The following CFAP47 variants were observed in gnomAD, a reference collection of about 807,000 sequenced individuals.
The protein encoded by CFAP47 is cilia and flagella associated protein 47, also known as cilia- and flagella-associated protein 47.
In CFAP47, 29 loss-of-function variants were observed where a neutral mutation model predicts 148.1. The observed-to-expected ratio is 0.20, with a 90% CI of 0.15 to 0.27. The LOEUF (loss-of-function observed/expected upper bound fraction) is 0.27, where lower values mean the gene tolerates loss of function less well. CFAP47 is among the 10% of genes least tolerant of loss of function. The pLI is 1.00. For synonymous variants in CFAP47, 664 were observed against 577.3 expected, an observed-to-expected ratio of 1.15 and a Z score of -2.15; for missense variants, 1,872 against 1,697.5, an observed-to-expected ratio of 1.10 and a Z score of -1.81.
rs61224981 is a variant in CFAP47, at chrX:36,371,620, TA to T, written c.9185+4495del. Among the ~76,000 whole-genome samples, 246 of 80,560 alleles carry T rather than the reference TA, an allele frequency of 3.1e-3. 3 individuals are homozygous for T. Among genetic ancestry groups the T allele is most frequent in the African/African-American group, 8.3e-3 (186 of 22,455 alleles). The allele number at this position is 80,560 out of a possible 115,157, so 70.0% of individuals were successfully genotyped here. Reference sequence around the variant, plus strand: ...GTGTGTATATATGTGTATATATGTGTAATATATGTGTATATACACACATATG... The same window carrying T: ...GTGTGTATATATGTGTATATATGTGTATATATGTGTATATACACACATATG... On this transcript the variant is annotated intron_variant, in intron 62 of 63. Coordinates refer to ENST00000378653, the MANE Select transcript of CFAP47 (RefSeq NM_001304548.2).
In CFAP47 at chrX:36,328,388, T is replaced by C. The variant is rs782345893; in HGVS notation, c.8443+9081T>C. Among the ~76,000 whole-genome samples, 4 of 112,567 alleles carry C rather than the reference T, an allele frequency of 3.6e-5. No homozygotes were observed. In the East Asian group the frequency reaches 1.1e-3, roughly 31 times the overall value. On this transcript the variant is annotated intron_variant, in intron 57 of 63. Coordinates refer to ENST00000378653, the MANE Select transcript of CFAP47 (RefSeq NM_001304548.2). ...TGTTAAAATGGCAATGTTCTCTAAC[T>C]TGATATATAGATCAAATGAATTTCC...
chrX:36,110,126 A>G (rs751427435), intron 33 of CFAP47, among the ~76,000 whole-genome samples: 19 of 111,029 alleles, frequency 1.7e-4, no homozygotes, highest in African/African-American at 6.2e-4. Flanking sequence ...AACAGATCCC[A>G]TTTGTCAATT....
At chrX:35,984,263 A>G (rs751881109) in intron 15 of CFAP47, among the ~76,000 whole-genome samples, 1 of 111,151 alleles carries the variant, frequency 9.0e-6, no homozygotes. Flanking sequence ...TGTTTGTAAT[A>G]TAAGTTTTTT....
chrX:35,971,962 G>C lies in CFAP47; in HGVS notation c.2251G>C (p.Val751Leu). The change falls in exon 13 of 64, where the codon GTT becomes CTT. Residue 751 changes from valine to leucine, a missense_variant. By Grantham distance (32) the Val-to-Leu change is conservative. Coordinates refer to ENST00000378653, the MANE Select transcript of CFAP47 (RefSeq NM_001304548.2). ...LTPKQIHQVI[V>L]GPSVLNFGNI... is the part of the protein sequence containing the mutation. ...ACCAAAGCAAATTCATCAAGTAATT[G>C]TTGGTGAGAATACACAAAAACCTAC... is the stretch of plus-strand genomic sequence containing the variant. 1 of 1,139,641 alleles carries C rather than the reference G, an allele frequency of 8.8e-7. No homozygotes were observed. Among genetic ancestry groups the C allele is most frequent in the Non-Finnish European group, 1.2e-6 (1 of 838,952 alleles). The allele number at this position is 1,139,641 out of a possible 1,213,427, so 93.9% of individuals were successfully genotyped here.
rs1169153259 is a variant in CFAP47, at chrX:36,357,696, C to A, written c.8852-3634C>A. Among the ~76,000 whole-genome samples the A allele has an allele frequency of 3.6e-5, 4 of 111,488 alleles. No individual in the cohort carries two copies. In the Admixed American group the frequency reaches 3.8e-4, roughly 11 times the overall value. On this transcript the variant is annotated intron_variant, in intron 60 of 63. Transcript: ENST00000378653. ...TTGCAGTGTCACTTCTGTAAGATTA[C>A]AAATTACTCTGTGGGCAAGATTTCT...
At chrX:36,360,660 T>C (rs1941821198) in intron 60 of CFAP47, among the ~76,000 whole-genome samples, 1 of 112,021 alleles carries the variant, frequency 8.9e-6, no homozygotes, top group Admixed American at 9.5e-5. Flanking sequence ...TACATATAAC[T>C]GGAGAGTAAG....
At chrX:35,978,017 G>C (rs902802367) in intron 15 of CFAP47, among the ~76,000 whole-genome samples, 2 of 111,976 alleles carry the variant, frequency 1.8e-5, no homozygotes, top group African/African-American at 6.5e-5. Flanking sequence ...TCACTTGACC[G>C]AGCTCTTTAT....
intron 21 of CFAP47, among the ~76,000 whole-genome samples, chrX:36,004,849 C>A (rs760375016): frequency 9.1e-6 from 1 of 110,496 alleles, no homozygotes; most frequent in Admixed American, 9.7e-5. Context: ...TTGAATTGTA[C>A]CCTTTTGGTG....
chrX:36,190,468 A>G (rs1319680446), intron 42 of CFAP47, among the ~76,000 whole-genome samples: 2 of 112,550 alleles, frequency 1.8e-5, no homozygotes, highest in Non-Finnish European at 3.8e-5. Context: ...GTAACAAATT[A>G]TCACACACCA....
chrX:36,207,983 A>G (rs1940057295), intron 45 of CFAP47, among the ~76,000 whole-genome samples: 1 of 111,735 alleles, frequency 8.9e-6, no homozygotes, highest in Non-Finnish European at 1.9e-5. Context: ...CCTCATTCCT[A>G]AGTGTTAATG....
At chrX:36,202,263 C>A in intron 44 of CFAP47, among the ~76,000 whole-genome samples, 1 of 111,244 alleles carries the variant, frequency 9.0e-6, no homozygotes, top group East Asian at 2.9e-4. Flanking sequence ...GCAGCCAAAG[C>A]GATTGTTGTA....
intron 35 of CFAP47, among the ~76,000 whole-genome samples, chrX:36,139,910 AT>A (rs201592531): frequency 0.099 from 10,763 of 108,826 alleles, 1,054 homozygotes; most frequent in African/African-American, 0.3. Context: ...CTTTTCATTT[AT>A]TTTTTTTTGG....
intron 51 of CFAP47, among the ~76,000 whole-genome samples, chrX:36,297,866 A>C (rs781823102): frequency 9.0e-6 from 1 of 111,546 alleles, no homozygotes; most frequent in East Asian, 2.8e-4. Context: ...TAGAAATATA[A>C]ATTTCAGACC....
chrX:36,019,258 A>G (rs1331352137), intron 22 of CFAP47, among the ~76,000 whole-genome samples: 2 of 111,655 alleles, frequency 1.8e-5, no homozygotes, highest in African/African-American at 6.5e-5. Flanking sequence ...AGTCAGTGAG[A>G]TTTGCATTTA....
At chrX:36,227,555 G>C (rs1310331323) in intron 45 of CFAP47, among the ~76,000 whole-genome samples, 4 of 111,593 alleles carry the variant, frequency 3.6e-5, no homozygotes, top group Non-Finnish European at 5.7e-5. Flanking sequence ...AAATGTTCTT[G>C]CATATCTTGG....
At chrX:35,950,657 A>G (rs1457966014) in intron 4 of CFAP47, among the ~76,000 whole-genome samples, 1 of 111,348 alleles carries the variant, frequency 9.0e-6, no homozygotes, top group Non-Finnish European at 1.9e-5. Context: ...TACAGGTGTG[A>G]GATCACACCC....
chrX:36,280,865 A>G (rs931408658), intron 50 of CFAP47, among the ~76,000 whole-genome samples: 14 of 112,181 alleles, frequency 1.2e-4, no homozygotes, highest in African/African-American at 4.5e-4. Context: ...CCACTCTTTC[A>G]TAATTGAAAA....
intron 61 of CFAP47, among the ~76,000 whole-genome samples, chrX:36,362,490 A>T (rs1199747072): frequency 8.9e-6 from 1 of 112,667 alleles, no homozygotes; most frequent in African/African-American, 3.2e-5. Flanking sequence ...GAGGACATGG[A>T]TGCATGCAAA....
Position 35,970,876 on chromosome X carries a change from T to A in CFAP47, c.1923T>A (p.Tyr641Ter), listed in dbSNP as rs770857176. 2.5e-6 allele frequency: 3 copies of A among 1,193,125 alleles called. No individual in the cohort carries two copies. In the Admixed American group the frequency reaches 7.0e-5, roughly 28 times the overall value. ...TACATGAAAACTATTATGCAATGTA[T>A]CTTAAATATTTAAGAAGTGTGCGCT... is the stretch of plus-strand genomic sequence containing the variant. The part of the protein sequence containing the change: ...KKLHENYYAM[Y>*]LKYLRSVRLQ... The change falls in exon 11 of 64, where the codon TAT (tyrosine) becomes TAA (stop). Residue 641 changes from tyrosine to a stop codon, truncating the protein, a stop_gained. Transcript: ENST00000378653. LOFTEE classifies it high-confidence loss of function.
Sources: gnomAD v4.1 joint callset for allele counts (sites outside exome capture counted in the v4.1 genomes callset) on GRCh38, gnomAD v4.1.1 for gene constraint, MANE v1.5 for transcripts, NCBI Gene and HGNC (gene_info 2026-07-23, HGNC 2026-07-21) for gene names.